Variants in IQGAP1 observed in about 807,000 individuals in gnomAD.
IQGAP1 encodes the protein ras GTPase-activating-like protein IQGAP1.
In IQGAP1, 66 loss-of-function variants were observed where a neutral mutation model predicts 215.6. That is an observed-to-expected ratio of 0.31 (90% CI 0.25 to 0.38). The LOEUF (loss-of-function observed/expected upper bound fraction) is 0.38. Ranked by LOEUF, IQGAP1 falls within the 10% of genes least tolerant of loss-of-function variation. The probability of loss-of-function intolerance (pLI) is 1.00; values close to 1 mark genes in which losing one functional copy is unlikely to be tolerated. For missense variants in IQGAP1, 1,712 were observed against 1,997.1 expected, an observed-to-expected ratio of 0.86 and a Z score of 2.72; for synonymous variants, 772 against 728.7, an observed-to-expected ratio of 1.06 and a Z score of -0.96.
At chr15:90,468,822 C>G (rs891633445) in intron 18 of IQGAP1, among the ~76,000 whole-genome samples, 1 of 152,022 alleles carries the variant, frequency 6.6e-6, no homozygotes, top group East Asian at 1.9e-4. Flanking sequence ...CAGAGCAAGA[C>G]CCTGTCTCAA....
chr15:90,444,964 A>G (rs1965506154), intron 9 of IQGAP1, among the ~76,000 whole-genome samples: 1 of 152,092 alleles, frequency 6.6e-6, no homozygotes, highest in Admixed American at 6.6e-5. Flanking sequence ...CTCTACAAAA[A>G]ATACAAAAAC....
At chr15:90,482,381 G>C (rs1032356520) in intron 28 of IQGAP1, 100 bp downstream of exon 28, 1 of 1,090,230 alleles carries the variant, frequency 9.2e-7, no homozygotes, top group Non-Finnish European at 1.4e-6. Context: ...TGTAGGTTCT[G>C]GCAGTAGCTT....
At chr15:90,486,924 C>T (rs1240093792) in intron 31 of IQGAP1, 30 bp from the exon 32 acceptor site, 2 of 1,608,754 alleles carry the variant, frequency 1.2e-6, no homozygotes, top group Non-Finnish European at 1.7e-6. Flanking sequence ...CTTTATTACG[C>T]TGACTCTTTC....
intron 11 of IQGAP1, among the ~76,000 whole-genome samples, chr15:90,451,242 C>T (rs1965599870): frequency 6.6e-6 from 1 of 152,134 alleles, no homozygotes; most frequent in African/African-American, 2.4e-5. Flanking sequence ...GCCCATTTTA[C>T]GTGGCTATAA....
intron 2 of IQGAP1, chr15:90,397,866 T>TTTTTCTTTTG (rs1964746740): frequency 7.5e-6 from 1 of 133,536 alleles, no homozygotes; most frequent in African/African-American, 3.0e-5. Flanking sequence ...TATCCTGAAT[T>TTTTTCTTTTG]TTTTCTTTTC....
chr15:90,479,081 CTTG>C (rs1966019342), intron 26 of IQGAP1, among the ~76,000 whole-genome samples: 1 of 152,130 alleles, frequency 6.6e-6, no homozygotes, highest in African/African-American at 2.4e-5. Context: ...GTGGTTTTTT[CTTG>C]TTGTGGAGTA....
At chr15:90,465,535 C>G (rs143116900) in intron 15 of IQGAP1, among the ~76,000 whole-genome samples, 1 of 152,060 alleles carries the variant, frequency 6.6e-6, no homozygotes, top group African/African-American at 2.4e-5. Flanking sequence ...TTTTGGAGAC[C>G]GGTCTATACT....
At position 90,486,092 on chromosome 15, in the gene IQGAP1, G is replaced by A. The variant is rs147697692; in HGVS notation, c.3984G>A (p.Leu1328=). 85 of 1,613,798 alleles carry A rather than the reference G, an allele frequency of 5.3e-5. No individual in the cohort carries two copies. The highest frequency in any genetic ancestry group is 6.6e-5 in the South Asian group (6 of 91,008). ...PEHNDPIHEL[L]DDLGEVPTIE... ...ACAATGATCCAATCCACGAACTGCT[G>A]GACGACCTCGGCGAGGTGCCCACCA... Residue 1328 remains leucine, a synonymous_variant, in exon 31 of 38, where the codon CTG becomes CTA. Transcript: ENST00000268182.
chr15:90,417,398 A>G (rs1031172803), intron 2 of IQGAP1, among the ~76,000 whole-genome samples: 6 of 152,158 alleles, frequency 3.9e-5, no homozygotes, highest in South Asian at 2.1e-4. Context: ...CGTGTAAGGA[A>G]GGGATCCAGT....
chr15:90,482,167 C>G, intron 27 of IQGAP1, 30 bp from the exon 28 acceptor site: 1 of 1,614,112 alleles, frequency 6.2e-7, no homozygotes, highest in Non-Finnish European at 8.5e-7. Flanking sequence ...GCTCCTTGGC[C>G]CTTCTCACTA....
intron 9 of IQGAP1, among the ~76,000 whole-genome samples, chr15:90,445,053 T>C (rs1415563892): frequency 6.6e-6 from 1 of 152,012 alleles, no homozygotes; most frequent in African/African-American, 2.4e-5. Context: ...GCCCAGGAGG[T>C]TGAGGCTACA....
At position 90,487,496 on chromosome 15, in the gene IQGAP1, A is replaced by G. The variant is rs1397987422; in HGVS notation, c.4162A>G (p.Thr1388Ala). 2 of 1,612,214 alleles carry G rather than the reference A, an allele frequency of 1.2e-6. No homozygotes were observed. Among genetic ancestry groups the G allele is most frequent in the African/African-American group, 1.3e-5 (1 of 74,886 alleles). The change falls in exon 33 of 38, where the codon ACA (threonine) becomes GCA (alanine). Residue 1388 changes from threonine (T) to alanine (A), a missense_variant and splice_region_variant. This residue lies in a region of IQGAP1 where 691 missense variants were observed against 923.0 expected (regional missense o/e 0.75). Coordinates refer to ENST00000268182, the MANE Select transcript of IQGAP1 (RefSeq NM_003870.4). ...AATGCCTCCCCCATCTCGTTTCAGT[A>G]CAAAACGTTTAATTGTGGATGTCAT... Reference protein sequence around the residue: ...EMDARTILLNTKRLIVDVIRF... With the variant: ...EMDARTILLNAKRLIVDVIRF...
intron 2 of IQGAP1, among the ~76,000 whole-genome samples, chr15:90,400,711 G>A (rs1230542265): frequency 6.6e-6 from 1 of 152,188 alleles, no homozygotes; most frequent in African/African-American, 2.4e-5. Flanking sequence ...GGTCTTACAG[G>A]TCAGAGCAAC....
At chr15:90,445,960 G>T in intron 9 of IQGAP1, among the ~76,000 whole-genome samples, 1 of 152,000 alleles carries the variant, frequency 6.6e-6, no homozygotes, top group East Asian at 1.9e-4. Flanking sequence ...AGCCTCCTGA[G>T]TGGATGACCA....
chr15:90,451,469 A>T (rs1965603103), intron 11 of IQGAP1, among the ~76,000 whole-genome samples: 2 of 152,108 alleles, frequency 1.3e-5, no homozygotes. Context: ...TCTAATGAGA[A>T]CTGATCCGTT....
At chr15:90,405,722 C>A (rs753444912) in intron 2 of IQGAP1, among the ~76,000 whole-genome samples, 8 of 148,396 alleles carry the variant, frequency 5.4e-5, no homozygotes, top group Non-Finnish European at 1.5e-5. Flanking sequence ...CTCAAACCTA[C>A]TTTATCAATA....
chr15:90,454,388 G>A (rs1210259650), intron 13 of IQGAP1, 40 bp from the exon 14 acceptor site: 3 of 1,611,398 alleles, frequency 1.9e-6, no homozygotes, highest in Admixed American at 1.7e-5. Context: ...ATTTAAACAT[G>A]CTGTGCTTAA....
chr15:90,420,538 C>T (rs1356355498), intron 2 of IQGAP1, among the ~76,000 whole-genome samples: 1 of 152,114 alleles, frequency 6.6e-6, no homozygotes, highest in Non-Finnish European at 1.5e-5. Context: ...CCTGATTTGG[C>T]TGAGATGTTT....
rs1285059696 is a variant in IQGAP1 at position 90,476,780 on chromosome 15, A to G, written c.2902A>G (p.Lys968Glu). ...GGCTTTGAGCAAGGAGAAGAGAGAG[A>G]AGTTGGAAGCTTACCAGCACCTGTT... Reference protein sequence around the residue: ...LKALSKEKREKLEAYQHLFYL... With the variant: ...LKALSKEKREELEAYQHLFYL... The change falls in exon 24 of 38, where the codon AAG (lysine) becomes GAG (glutamate). Residue 968 changes from lysine to glutamate, a missense_variant. Transcript: ENST00000268182. 6.2e-7 allele frequency: 1 copy of G among 1,604,924 alleles called. No homozygotes were observed. Among genetic ancestry groups the G allele is most frequent in the Non-Finnish European group, 8.5e-7 (1 of 1,178,078 alleles).
Sources: allele counts gnomAD v4.1 joint callset (sites outside exome capture counted in the v4.1 genomes callset), GRCh38; gene constraint gnomAD v4.1.1; regional missense constraint gnomAD v4.1.1; transcripts MANE v1.5; gene names NCBI Gene and HGNC (gene_info 2026-07-23, HGNC 2026-07-21).